MTARC1: variants seen among roughly 807,000 people sequenced by gnomAD.
MTARC1 encodes mitochondrial amidoxime-reducing component 1.
A neutral mutation model predicts 33.6 loss-of-function variants in MTARC1; 24 were observed. That is an observed-to-expected ratio of 0.72 (90% confidence interval 0.52 to 1.01). The LOEUF (loss-of-function observed/expected upper bound fraction) is 1.01. Ranked by LOEUF, MTARC1 falls within the 50% of genes least tolerant of loss-of-function variation. MTARC1 has a pLI of 0.00. For missense variants in MTARC1, 417 were observed against 445.7 expected (o/e 0.94, Z 0.58); for synonymous variants, 187 against 189.5 (o/e 0.99, Z 0.11).
In MTARC1 at chr1:220,805,163, C is replaced by T. The variant is rs749103364; in HGVS notation, c.816-40C>T. 6 of 1,614,082 alleles carry T rather than the reference C, an allele frequency of 3.7e-6. No homozygotes were observed. In the East Asian group the frequency reaches 1.1e-4, roughly 30 times the overall value. On this transcript the variant is annotated intron_variant, in intron 5 of 6. Coordinates refer to ENST00000366910, the MANE Select transcript of MTARC1 (RefSeq NM_022746.4). ...GGGTGGAGGTGGGGATAAGTTCGCT[C>T]TGCTCTGTCCCCCTTATGATGCTCT...
At chr1:220,804,383 T>A (rs1296503688) in intron 4 of MTARC1, among the ~76,000 whole-genome samples, 1 of 152,132 alleles carries the variant, frequency 6.6e-6, no homozygotes, top group Non-Finnish European at 1.5e-5. Context: ...AAATAAAATA[T>A]TTATCTTTAG....
chr1:220,786,998 C>A lies in MTARC1; in HGVS notation c.54C>A (p.Ser18=), dbSNP rs1176811630. The change falls in exon 1 of 7, where the codon TCC becomes TCA. Residue 18 remains serine, a synonymous_variant. Coordinates refer to ENST00000366910, the MANE Select transcript of MTARC1 (RefSeq NM_022746.4). The part of the protein sequence containing the change: ...ALARFVLLAQ[S]RPGWLGVAAL... Reference sequence around the variant, plus strand: ...CGCGCTTTGTCCTCCTCGCGCAATCCCGGCCCGGGTGGCTCGGGGTTGCCG... The same window carrying A: ...CGCGCTTTGTCCTCCTCGCGCAATCACGGCCCGGGTGGCTCGGGGTTGCCG... 1.5e-6 allele frequency: 2 copies of A among 1,295,072 alleles called. No individual in the cohort carries two copies. The highest frequency in any genetic ancestry group is 1.9e-6 in the Non-Finnish European group (2 of 1,028,946). 80.2% of individuals were successfully genotyped at this position (1,295,072 alleles called of 1,614,324 possible).
intron 6 of MTARC1, 118 bp from the exon 7 acceptor site, chr1:220,813,174 C>G (rs12144830): frequency 0.4 from 554,580 of 1,370,950 alleles, 114,107 homozygotes; most frequent in Non-Finnish European, 0.42. Context: ...TGAGCTTTGA[C>G]GGGATGGTGC....
intron 1 of MTARC1, among the ~76,000 whole-genome samples, chr1:220,789,615 A>T (rs1250844389): frequency 1.3e-5 from 2 of 152,240 alleles, no homozygotes; most frequent in Non-Finnish European, 2.9e-5. Flanking sequence ...TGAGTGTTGA[A>T]TGTTCATTAT....
chr1:220,803,708 A>C (rs1011670334), intron 4 of MTARC1, among the ~76,000 whole-genome samples: 9 of 152,022 alleles, frequency 5.9e-5, no homozygotes, highest in Admixed American at 5.9e-4. Context: ...TTTTTTTGGA[A>C]TAGAAGGGGC....
At chr1:220,791,780 T>A in intron 2 of MTARC1, 116 bp downstream of exon 2, 1 of 1,143,458 alleles carries the variant, frequency 8.7e-7, no homozygotes, top group Non-Finnish European at 1.2e-6. Flanking sequence ...GTTGATTGCA[T>A]GTGTACCATA....
chr1:220,788,560 G>T (rs1318986441), intron 1 of MTARC1, among the ~76,000 whole-genome samples: 1 of 152,070 alleles, frequency 6.6e-6, no homozygotes. Context: ...AGGCCGAGGC[G>T]GGTGGATCAC....
At position 220,787,218 on chromosome 1, in the gene MTARC1, A is replaced by C. The variant is rs1558081633; in HGVS notation, c.274A>C (p.Arg92=). The change falls in exon 1 of 7, where the codon AGG becomes CGG. Residue 92 remains arginine (R), a splice_region_variant and synonymous_variant. Coordinates refer to ENST00000366910, the MANE Select transcript of MTARC1 (RefSeq NM_022746.4). ...GCTGCGCAGCGGCAACCTGCGGGAC[A>C]GGTACGGCCAAGCGCCGGCGCGGGG... ...MGLRSGNLRD[R]FWLVINQEGN... 6.4e-7 allele frequency: 1 copy of C among 1,565,594 alleles called. No homozygotes were observed.
chr1:220,793,901 A>G (rs1672516993), intron 2 of MTARC1: 1 of 152,188 alleles, frequency 6.6e-6, no homozygotes, highest in Non-Finnish European at 1.5e-5. Context: ...ACTCAGGAGA[A>G]ATGTGGCAGG....
At chr1:220,807,710 T>C (rs1673011897) in intron 6 of MTARC1, among the ~76,000 whole-genome samples, 1 of 152,176 alleles carries the variant, frequency 6.6e-6, no homozygotes, top group East Asian at 1.9e-4. Context: ...AGAATTTTCA[T>C]AGTAAAATTT....
intron 1 of MTARC1, among the ~76,000 whole-genome samples, chr1:220,788,305 T>A (rs1410540399): frequency 2.0e-5 from 3 of 152,012 alleles, no homozygotes; most frequent in Non-Finnish European, 4.4e-5. Flanking sequence ...CAGCCTCGGG[T>A]CTTATTGTGA....
chr1:220,799,807 C>T (rs1219233249), intron 4 of MTARC1, among the ~76,000 whole-genome samples: 1 of 152,226 alleles, frequency 6.6e-6, no homozygotes. Context: ...CCGTACAAGC[C>T]TGGACAGGTC....
chr1:220,799,281 G>A (rs185263805), intron 4 of MTARC1: 16 of 689,706 alleles, frequency 2.3e-5, no homozygotes, highest in African/African-American at 7.8e-5. Flanking sequence ...AGTGTGAGGC[G>A]GGTGGACTGT....
At chr1:220,813,186 CT>C in intron 6 of MTARC1, 105 bp from the exon 7 acceptor site, 1 of 1,482,118 alleles carries the variant, frequency 6.7e-7, no homozygotes, top group Non-Finnish European at 9.3e-7. Flanking sequence ...GGATGGTGCC[CT>C]CTCGAGCTGT....
chr1:220,792,677 C>G (rs1361094052), intron 2 of MTARC1, among the ~76,000 whole-genome samples: 2 of 148,924 alleles, frequency 1.3e-5, no homozygotes, highest in African/African-American at 4.9e-5. Context: ...GAAACAAAAA[C>G]TATCTGTGAT....
chr1:220,798,668 C>CT (rs1359400979), intron 4 of MTARC1: 12 of 860,822 alleles, frequency 1.4e-5, no homozygotes, highest in Non-Finnish European at 1.7e-5. Context: ...GGTTGGTGGC[C>CT]TAGAGGCATG....
At chr1:220,808,784 A>AT in intron 6 of MTARC1, 1 of 469,930 alleles carries the variant, frequency 2.1e-6, no homozygotes, top group Non-Finnish European at 4.4e-6. Context: ...TAAAATGCTC[A>AT]CAGCGGGAGG....
Position 220,813,879 on chromosome 1 carries a change from T to C in MTARC1, c.*461T>C, listed in dbSNP as rs549417029. The C allele has an allele frequency of 2.0e-4, 31 of 158,394 alleles. No homozygotes were observed. The highest frequency in any genetic ancestry group is 3.5e-4 in the Non-Finnish European group (25 of 71,490). 9.8% of individuals were successfully genotyped at this position (158,394 alleles called of 1,614,324 possible). A position where few individuals can be genotyped will look rare whatever the true frequency, so the allele number is the denominator to read the frequency against. ...TGAAAATTAAATTGCACCCCAAATA[T>C]GGCTGGAATGCCACTTCCCTTTTCT... On this transcript the variant is annotated 3_prime_UTR_variant, in exon 7 of 7. Transcript: ENST00000366910.
chr1:220,806,298 C>T (rs1024487376), intron 6 of MTARC1, among the ~76,000 whole-genome samples: 4 of 152,164 alleles, frequency 2.6e-5, no homozygotes, highest in African/African-American at 9.6e-5. Context: ...CAGGTCTCTT[C>T]TCTACAGCCC....
Sources: allele counts gnomAD v4.1 joint callset (sites outside exome capture counted in the v4.1 genomes callset), GRCh38; gene constraint gnomAD v4.1.1; transcripts MANE v1.5; gene names NCBI Gene and HGNC (gene_info 2026-07-23, HGNC 2026-07-21).